LARP1B: variants seen among roughly 807,000 people sequenced by gnomAD.
LARP1B encodes the protein la-related protein 1B.
In LARP1B, 76 loss-of-function variants were observed where a neutral mutation model predicts 114.2. That is an observed-to-expected ratio of 0.67 (90% CI 0.55 to 0.81). The LOEUF (loss-of-function observed/expected upper bound fraction) is 0.81, where lower values mean the gene tolerates loss of function less well. Among genes scored for constraint, LARP1B ranks in the 30% least tolerant of loss-of-function variants. The probability of loss-of-function intolerance (pLI) is 0.00; values close to 1 mark genes in which losing one functional copy is unlikely to be tolerated. For missense variants in LARP1B, 1,014 were observed against 1,075.8 expected, an observed-to-expected ratio of 0.94 and a Z score of 0.80; for synonymous variants, 345 against 348.0, an observed-to-expected ratio of 0.99 and a Z score of 0.10.
At chr4:128,175,169 T>C (rs1745364737) in intron 12 of LARP1B, among the ~76,000 whole-genome samples, 1 of 152,148 alleles carries the variant, frequency 6.6e-6, no homozygotes, top group South Asian at 2.1e-4. Context: ...ATTTATCCCA[T>C]GTATTATTAA....
chr4:128,126,011 A>G (rs1279239267), intron 11 of LARP1B, among the ~76,000 whole-genome samples: 1 of 152,236 alleles, frequency 6.6e-6, no homozygotes, highest in Non-Finnish European at 1.5e-5. Context: ...TATTGCAAGG[A>G]AAGTTAGCAG....
chr4:128,156,231 T>G, intron 11 of LARP1B: 1 of 1,488,922 alleles, frequency 6.7e-7, no homozygotes, highest in Non-Finnish European at 9.3e-7. Flanking sequence ...TCCCTGCAGG[T>G]GCCACCCTAA....
intron 11 of LARP1B, among the ~76,000 whole-genome samples, chr4:128,129,423 A>G (rs1185387130): frequency 1.3e-5 from 2 of 152,040 alleles, no homozygotes; most frequent in East Asian, 3.9e-4. Flanking sequence ...GGAAGACTCA[A>G]TAATGTCATG....
intron 11 of LARP1B, among the ~76,000 whole-genome samples, chr4:128,140,198 C>G (rs1727382472): frequency 6.6e-6 from 1 of 151,956 alleles, no homozygotes. Context: ...CTGGCACTAC[C>G]CTGGAGGAAT....
intron 1 of LARP1B, chr4:128,061,692 C>G: frequency 1.0e-6 from 1 of 984,816 alleles, no homozygotes; most frequent in Non-Finnish European, 1.2e-6. Flanking sequence ...GGCAGAGGGA[C>G]GATGTCTACT....
chr4:128,181,019 A>G (rs1748146526), intron 15 of LARP1B, among the ~76,000 whole-genome samples: 3 of 152,152 alleles, frequency 2.0e-5, no homozygotes, highest in Non-Finnish European at 4.4e-5. Flanking sequence ...TCTTTGTTTT[A>G]AAGTGGGTTT....
intron 11 of LARP1B, among the ~76,000 whole-genome samples, chr4:128,143,544 GA>G (rs999060318): frequency 1.6e-4 from 11 of 69,786 alleles, no homozygotes; most frequent in African/African-American, 4.4e-4. Flanking sequence ...AATTAAACTG[GA>G]AAATCTAGGC....
At chr4:128,200,040 C>T (rs1441952818) in intron 16 of LARP1B, among the ~76,000 whole-genome samples, 2 of 152,068 alleles carry the variant, frequency 1.3e-5, no homozygotes, top group South Asian at 2.1e-4. Flanking sequence ...GAGCCAAAAT[C>T]GTGCCATTGC....
At chr4:128,062,028 CGCCGTTGCCGCCGTT>C in intron 1 of LARP1B, 4 of 985,128 alleles carry the variant, frequency 4.1e-6, no homozygotes, top group Non-Finnish European at 4.8e-6. Flanking sequence ...CCGCCGCCGT[CGCCGTTGCCGCCGTT>C]GCTGCGGGAT....
intron 11 of LARP1B, among the ~76,000 whole-genome samples, chr4:128,160,318 A>G (rs145338582): frequency 1.8e-4 from 28 of 152,324 alleles, no homozygotes; most frequent in African/African-American, 6.7e-4. Context: ...GTGTAATTCA[A>G]TTTTTATAAA....
At chr4:128,212,154 C>T (rs1341657382), downstream of LARP1B, among the ~76,000 whole-genome samples, 1 of 151,762 alleles carries the variant, frequency 6.6e-6, no homozygotes, top group African/African-American at 2.4e-5. Flanking sequence ...CTCAAGTGAT[C>T]CACCTTCCTC....
chr4:128,219,764 G>A (rs1759846337), intron 6 of LARP1B, among the ~76,000 whole-genome samples: 1 of 149,662 alleles, frequency 6.7e-6, no homozygotes, highest in Non-Finnish European at 1.5e-5. Context: ...CCTGCACAAT[G>A]TGCACATGTA....
chr4:128,064,643 T>A (rs949898429), intron 1 of LARP1B, among the ~76,000 whole-genome samples: 1 of 152,194 alleles, frequency 6.6e-6, no homozygotes, highest in Non-Finnish European at 1.5e-5. Context: ...ATCATCTTAT[T>A]TGCTGTTTCA....
intron 15 of LARP1B, among the ~76,000 whole-genome samples, chr4:128,184,394 A>T (rs1023718284): frequency 7.2e-5 from 11 of 152,244 alleles, no homozygotes. Flanking sequence ...CTGAAGGCTC[A>T]TATGACCATT....
chr4:128,150,419 A>G (rs1302773718), intron 11 of LARP1B, among the ~76,000 whole-genome samples: 1 of 151,414 alleles, frequency 6.6e-6, no homozygotes, highest in Non-Finnish European at 1.5e-5. Flanking sequence ...CAGCCTCCCT[A>G]GTAGTTGGTA....
At chr4:128,202,032 A>G (rs1314926579) in intron 17 of LARP1B, among the ~76,000 whole-genome samples, 1 of 152,194 alleles carries the variant, frequency 6.6e-6, no homozygotes, top group Non-Finnish European at 1.5e-5. Context: ...GTGTTGACTT[A>G]TGTAAAAACA....
intron 15 of LARP1B, among the ~76,000 whole-genome samples, chr4:128,186,942 C>T (rs1750579354): frequency 6.6e-6 from 1 of 152,182 alleles, no homozygotes; most frequent in South Asian, 2.1e-4. Context: ...TAAACCTTGG[C>T]AGGTTCCATG....
chr4:128,104,003 T>C (rs1781243019), intron 8 of LARP1B, among the ~76,000 whole-genome samples: 2 of 151,488 alleles, frequency 1.3e-5, no homozygotes, highest in Admixed American at 1.3e-4. Context: ...ACATTATTAT[T>C]ATTTTATTTA....
In LARP1B at chr4:128,091,435, T is replaced by C; in HGVS notation, c.591T>C (p.Tyr197=). 6.2e-7 allele frequency: 1 copy of C among 1,609,688 alleles called. No homozygotes were observed. Among genetic ancestry groups the C allele is most frequent in the Non-Finnish European group, 8.5e-7 (1 of 1,176,106 alleles). The stretch of plus-strand genomic sequence containing the variant: ...CAGAACTTAATACCAGTATGATGTA[T>C]TACTATGATGATGGTACAGGTGTAC... The part of the protein sequence containing the change: ...FQTELNTSMM[Y]YYDDGTGVQV... The change falls in exon 7 of 20, where the codon TAT becomes TAC. Residue 197 remains tyrosine, a synonymous_variant. Coordinates refer to ENST00000326639, the MANE Select transcript of LARP1B (RefSeq NM_018078.4).
Sources: allele counts gnomAD v4.1 joint callset (sites outside exome capture counted in the v4.1 genomes callset), GRCh38; gene constraint gnomAD v4.1.1; transcripts MANE v1.5; gene names NCBI Gene and HGNC (gene_info 2026-07-23, HGNC 2026-07-21).